NAALADL2: variants seen among roughly 807,000 people sequenced by gnomAD.
NAALADL2 encodes the protein N-acetylated alpha-linked acidic dipeptidase like 2.
NAALADL2 carries 76 observed loss-of-function variants against 87.2 expected under a neutral mutation model. The ratio of observed to expected loss-of-function variants is 0.87; its 90% confidence interval spans 0.72 to 1.05. The LOEUF (loss-of-function observed/expected upper bound fraction) is 1.05. NAALADL2 is among the 50% of genes least tolerant of loss of function. NAALADL2 has a pLI of 0.00. For synonymous variants in NAALADL2, 354 were observed against 331.0 expected (o/e 1.07, Z -0.75); for missense variants, 1,089 against 945.8 (o/e 1.15, Z -1.99).
At chr3:174,919,122 T>C (rs948311419) in intron 1 of NAALADL2, among the ~76,000 whole-genome samples, 1 of 152,146 alleles carries the variant, frequency 6.6e-6, no homozygotes, top group African/African-American at 2.4e-5. Flanking sequence ...AGTTGTAATA[T>C]TTTTGCAGAT....
At chr3:175,701,690 T>C (rs1739023776) in intron 11 of NAALADL2, among the ~76,000 whole-genome samples, 2 of 152,146 alleles carry the variant, frequency 1.3e-5, no homozygotes, top group Admixed American at 6.6e-5. Flanking sequence ...AATATTCATA[T>C]CATGACTGTG....
At chr3:175,132,025 G>A in intron 2 of NAALADL2, among the ~76,000 whole-genome samples, 1 of 133,332 alleles carries the variant, frequency 7.5e-6, no homozygotes. Flanking sequence ...TCCCGGACGG[G>A]GCGGCTGGCC....
intron 2 of NAALADL2, among the ~76,000 whole-genome samples, chr3:174,580,288 T>TA (rs986255226): frequency 1.1e-4 from 17 of 152,080 alleles, no homozygotes; most frequent in African/African-American, 1.9e-4. Context: ...TATTAGTTCT[T>TA]AATAATTGCT....
intron 2 of NAALADL2, among the ~76,000 whole-genome samples, chr3:175,111,655 C>T (rs1276637392): frequency 1.3e-5 from 2 of 151,646 alleles, no homozygotes; most frequent in South Asian, 2.1e-4. Context: ...CAGACTTCAG[C>T]GGTGGTCTAC....
intron 2 of NAALADL2, among the ~76,000 whole-genome samples, chr3:174,668,728 A>G (rs1056905680): frequency 2.0e-5 from 3 of 152,184 alleles, no homozygotes; most frequent in Non-Finnish European, 4.4e-5. Context: ...AGCTTCATCC[A>G]TGTCCCTACA....
At chr3:175,360,667 C>T (rs991346745) in intron 5 of NAALADL2, among the ~76,000 whole-genome samples, 1 of 151,848 alleles carries the variant, frequency 6.6e-6, no homozygotes, top group Non-Finnish European at 1.5e-5. Flanking sequence ...TCATAATTTT[C>T]TAAGGTTTTT....
intron 5 of NAALADL2, among the ~76,000 whole-genome samples, chr3:175,445,224 C>T (rs1720499486): frequency 1.3e-5 from 2 of 152,076 alleles, no homozygotes; most frequent in African/African-American, 4.8e-5. Context: ...AGTTTGTTCT[C>T]TCCATTATCT....
At chr3:175,267,324 C>A (rs1752104235) in intron 4 of NAALADL2, among the ~76,000 whole-genome samples, 1 of 151,950 alleles carries the variant, frequency 6.6e-6, no homozygotes, top group Non-Finnish European at 1.5e-5. Context: ...ACATGTAGCT[C>A]CAATCCAGTT....
At chr3:175,418,553 A>C (rs1411584834) in intron 5 of NAALADL2, among the ~76,000 whole-genome samples, 5 of 152,146 alleles carry the variant, frequency 3.3e-5, no homozygotes, top group Non-Finnish European at 5.9e-5. Flanking sequence ...GCATCACATA[A>C]AATAAATATG....
At chr3:175,464,232 C>T (rs183276410) in intron 7 of NAALADL2, among the ~76,000 whole-genome samples, 1 of 152,002 alleles carries the variant, frequency 6.6e-6, no homozygotes, top group Non-Finnish European at 1.5e-5. Flanking sequence ...CACTCTGTAT[C>T]CTTGGTCCAT....
intron 2 of NAALADL2, among the ~76,000 whole-genome samples, chr3:175,173,165 G>A (rs1022090462): frequency 4.0e-5 from 6 of 151,866 alleles, no homozygotes; most frequent in African/African-American, 1.5e-4. Flanking sequence ...GGTGGCAGGC[G>A]CCTGTAGTCC....
chr3:174,481,402 A>T (rs180912629), intron 1 of NAALADL2, among the ~76,000 whole-genome samples: 40 of 152,236 alleles, frequency 2.6e-4, no homozygotes, highest in African/African-American at 9.1e-4. Flanking sequence ...TCTAAGTTGC[A>T]AGCAACAGAA....
At chr3:175,598,941 G>A (rs1460630595) in intron 10 of NAALADL2, among the ~76,000 whole-genome samples, 1 of 152,126 alleles carries the variant, frequency 6.6e-6, no homozygotes. Flanking sequence ...ATGACTCAAT[G>A]TTTTACAAGT....
intron 1 of NAALADL2, among the ~76,000 whole-genome samples, chr3:175,049,053 T>C (rs901563659): frequency 2.0e-5 from 3 of 152,164 alleles, no homozygotes; most frequent in Non-Finnish European, 4.4e-5. Flanking sequence ...CTAAGAGCCC[T>C]CCGCCAGTGG....
At chr3:174,633,166 T>C (rs1458253659) in intron 2 of NAALADL2, among the ~76,000 whole-genome samples, 6 of 152,014 alleles carry the variant, frequency 3.9e-5, no homozygotes, top group African/African-American at 9.7e-5. Flanking sequence ...TGTAAAAACA[T>C]AATCCAGAGA....
chr3:175,072,693 TGGGGGGA>T (rs1215436509), intron 1 of NAALADL2, among the ~76,000 whole-genome samples: 1 of 76,786 alleles, frequency 1.3e-5, no homozygotes, highest in Non-Finnish European at 2.3e-5. Context: ...AAAAACGGGG[TGGGGGGA>T]GGGGGGAGGG....
At position 175,168,969 on chromosome 3, in the gene NAALADL2, A is replaced by G. The variant is rs145958064; in HGVS notation, c.546-64962A>G. On this transcript the variant is annotated intron_variant, in intron 2 of 13. Transcript: ENST00000454872. ...AACAAAAGTTATTAGAGGAAGAGCA[A>G]AACAGGATAGCTGTACAGATTTTTT... Among the ~76,000 whole-genome samples, 121 of 151,902 alleles carry G rather than the reference A, an allele frequency of 8.0e-4. 1 individual carries two copies. Among genetic ancestry groups the G allele is most frequent in the African/African-American group, 2.6e-3 (108 of 41,528 alleles).
intron 11 of NAALADL2, among the ~76,000 whole-genome samples, chr3:175,696,155 AAAAT>A (rs1737772517): frequency 1.3e-5 from 2 of 152,170 alleles, no homozygotes; most frequent in Non-Finnish European, 2.9e-5. Flanking sequence ...GTTCACAAAA[AAAAT>A]TTCTTATTCA....
At chr3:174,485,339 G>C (rs1168192500) in intron 1 of NAALADL2, among the ~76,000 whole-genome samples, 3 of 151,620 alleles carry the variant, frequency 2.0e-5, no homozygotes, top group Admixed American at 1.3e-4. Context: ...GTACAGGTTT[G>C]TTATATAGGT....
Sources: gnomAD v4.1 joint callset for allele counts (sites outside exome capture counted in the v4.1 genomes callset) on GRCh38, gnomAD v4.1.1 for gene constraint, MANE v1.5 for transcripts, NCBI Gene and HGNC (gene_info 2026-07-23, HGNC 2026-07-21) for gene names.